The following ARMC9 variants were observed in gnomAD, a reference collection of about 807,000 sequenced individuals.
ARMC9 encodes the protein armadillo repeat containing 9, also known as lisH domain-containing protein ARMC9.
Under a neutral mutation model 107.0 loss-of-function variants are expected in ARMC9, and 94 were observed. That is an observed-to-expected ratio of 0.88 (90% CI 0.74 to 1.04). The LOEUF is 1.04. Among genes scored for constraint, ARMC9 ranks in the 50% least tolerant of loss-of-function variants. ARMC9 has a pLI of 0.00. For synonymous variants in ARMC9, 380 were observed against 396.9 expected (o/e 0.96, Z 0.51); for missense variants, 942 against 1,030.1 (o/e 0.91, Z 1.17).
intron 13 of ARMC9, among the ~76,000 whole-genome samples, chr2:231,272,187 G>GTTTTTTT (rs56201225): frequency 3.3e-4 from 33 of 99,720 alleles, no homozygotes; most frequent in Non-Finnish European, 4.2e-4. Context: ...TGTGTGTTTG[G>GTTTTTTT]TTTTTTTTTT....
At position 231,344,964 on chromosome 2, in the gene ARMC9, C is replaced by G; in HGVS notation, c.1879-11C>G. 1 of 1,612,432 alleles carries G rather than the reference C, an allele frequency of 6.2e-7. No individual in the cohort carries two copies. Among genetic ancestry groups the G allele is most frequent in the Non-Finnish European group, 8.5e-7 (1 of 1,179,388 alleles). Reference sequence around the variant, plus strand: ...ATTTCTCCAGCCCTTTTTTCTCTTTCCTTCCACCAGATCATGACCAACACG... The same window carrying G: ...ATTTCTCCAGCCCTTTTTTCTCTTTGCTTCCACCAGATCATGACCAACACG... On this transcript the variant is annotated splice_polypyrimidine_tract_variant and intron_variant, in intron 20 of 24. Transcript: ENST00000611582.
chr2:231,337,185 C>G (rs1385299738), intron 20 of ARMC9, among the ~76,000 whole-genome samples: 2 of 150,654 alleles, frequency 1.3e-5, no homozygotes, highest in Non-Finnish European at 2.9e-5. Flanking sequence ...TATTCCTGCC[C>G]TGTGTGACTG....
chr2:231,368,200 C>G lies in ARMC9; in HGVS notation c.2262-1753C>G, dbSNP rs556982071. Among the ~76,000 whole-genome samples the G allele has an allele frequency of 1.8e-3, 272 of 152,016 alleles. 1 individual carries two copies. Among genetic ancestry groups the G allele is most frequent in the African/African-American group, 6.5e-3 (269 of 41,428 alleles). On this transcript the variant is annotated intron_variant, in intron 23 of 24. Transcript: ENST00000611582. ...AAAGAAAGAAACCACCTCACTAGAC[C>G]ACGTACAAAGCTCCTTTGTATGTGT...
rs759085044 is a variant in ARMC9 at position 231,259,097 on chromosome 2, C to T, written c.1021C>T (p.Arg341Cys). 1.7e-5 allele frequency: 27 copies of T among 1,611,618 alleles called. No individual in the cohort carries two copies. The highest frequency in any genetic ancestry group is 6.7e-5 in the African/African-American group (5 of 74,860). Residue 341 changes from arginine to cysteine, a missense_variant, in exon 11 of 25, where the codon CGC becomes TGC. Physicochemically the swap from Arg to Cys is radical, Grantham distance 180. Transcript: ENST00000611582. ...GAAAGCCTTCTTGTTGCAGGCTCTG[C>T]GCTGGGTAGGTACCTTTGTCTTAAA... ...RLKAFLLQAL[R>C]WRLTTSHPGE...
intron 9 of ARMC9, among the ~76,000 whole-genome samples, chr2:231,251,925 G>A (rs981089173): frequency 7.2e-5 from 11 of 152,118 alleles, no homozygotes; most frequent in African/African-American, 2.4e-4. Context: ...GTCTCACTGT[G>A]TTGCCTGGCT....
intron 4 of ARMC9, among the ~76,000 whole-genome samples, chr2:231,216,263 T>C (rs1184991359): frequency 6.6e-6 from 1 of 152,202 alleles, no homozygotes; most frequent in Non-Finnish European, 1.5e-5. Flanking sequence ...CTTATTTATA[T>C]CTGAAAAGTA....
chr2:231,209,148 C>T (rs77303785), intron 3 of ARMC9, among the ~76,000 whole-genome samples: 8,212 of 152,146 alleles, frequency 0.054, 243 homozygotes, highest in African/African-American at 0.093. Flanking sequence ...GTGATCCGCC[C>T]GCCTTGGCCT....
chr2:231,331,332 C>T (rs866021878), intron 19 of ARMC9, among the ~76,000 whole-genome samples: 1 of 152,212 alleles, frequency 6.6e-6, no homozygotes, highest in South Asian at 2.1e-4. Flanking sequence ...TTCCCAGAAG[C>T]AGAACGGTGC....
At chr2:231,217,449 A>G (rs1261018082) in intron 5 of ARMC9, among the ~76,000 whole-genome samples, 1 of 151,912 alleles carries the variant, frequency 6.6e-6, no homozygotes, top group Non-Finnish European at 1.5e-5. Context: ...CCGGGTGTGT[A>G]ATTCCAGCTA....
intron 9 of ARMC9, among the ~76,000 whole-genome samples, chr2:231,254,659 A>G (rs2037597638): frequency 6.6e-6 from 1 of 151,704 alleles, no homozygotes; most frequent in Non-Finnish European, 1.5e-5. Flanking sequence ...TCTATAAAAA[A>G]AAAAAAAATT....
At chr2:231,261,603 C>T (rs1450793747) in intron 11 of ARMC9, among the ~76,000 whole-genome samples, 26 of 152,206 alleles carry the variant, frequency 1.7e-4, no homozygotes, top group Non-Finnish European at 4.4e-5. Flanking sequence ...GACCTCACTT[C>T]CCTATCCCCC....
intron 22 of ARMC9, among the ~76,000 whole-genome samples, chr2:231,359,428 G>A (rs114002812): frequency 0.035 from 5,366 of 152,094 alleles, 350 homozygotes; most frequent in African/African-American, 0.12. Context: ...TCTTCAGTGT[G>A]GCCTGTGCTG....
At chr2:231,286,242 A>G (rs1185403215) in intron 17 of ARMC9, among the ~76,000 whole-genome samples, 3 of 152,078 alleles carry the variant, frequency 2.0e-5, no homozygotes, top group African/African-American at 7.2e-5. Flanking sequence ...CAGCCTCCAG[A>G]GTAGCTGGGA....
chr2:231,244,883 C>T (rs1287514704), intron 9 of ARMC9, among the ~76,000 whole-genome samples: 2 of 152,228 alleles, frequency 1.3e-5, no homozygotes, highest in Admixed American at 6.5e-5. Flanking sequence ...GCAGTGATGC[C>T]CAGGTCTGCC....
intron 21 of ARMC9, 101 bp from the exon 22 acceptor site, chr2:231,355,696 AG>A (rs1328767992): frequency 2.2e-6 from 3 of 1,349,030 alleles, no homozygotes; most frequent in African/African-American, 2.9e-5. Flanking sequence ...CAAGACTTTG[AG>A]GCACCGCCCC....
At chr2:231,306,248 A>G (rs894665519) in intron 19 of ARMC9, among the ~76,000 whole-genome samples, 3 of 152,198 alleles carry the variant, frequency 2.0e-5, no homozygotes, top group Non-Finnish European at 4.4e-5. Flanking sequence ...CATTAAATCT[A>G]TAAATCAATT....
At chr2:231,353,424 C>T (rs950507767) in intron 21 of ARMC9, among the ~76,000 whole-genome samples, 8 of 126,148 alleles carry the variant, frequency 6.3e-5, no homozygotes, top group South Asian at 2.2e-4. Context: ...CCTCGTGATC[C>T]GCCTGTCTCG....
intron 21 of ARMC9, among the ~76,000 whole-genome samples, chr2:231,348,774 G>A (rs148080370): frequency 0.013 from 2,037 of 152,270 alleles, 46 homozygotes; most frequent in African/African-American, 0.047. Flanking sequence ...ATGGGCAAAA[G>A]ATTTGAATAG....
intron 9 of ARMC9, among the ~76,000 whole-genome samples, chr2:231,247,677 T>C (rs1030614495): frequency 6.6e-6 from 1 of 152,214 alleles, no homozygotes; most frequent in African/African-American, 2.4e-5. Flanking sequence ...ACGCCTGTAA[T>C]CCCAGCACTT....
Sources: allele counts gnomAD v4.1 joint callset (sites outside exome capture counted in the v4.1 genomes callset), GRCh38; gene constraint gnomAD v4.1.1; transcripts MANE v1.5; gene names NCBI Gene and HGNC (gene_info 2026-07-23, HGNC 2026-07-21).